Variants in KIF26B observed in about 807,000 individuals in gnomAD.
KIF26B encodes kinesin-like protein KIF26B.
KIF26B carries 63 observed loss-of-function variants against 151.2 expected under a neutral mutation model. That is an observed-to-expected ratio of 0.42 (90% CI 0.34 to 0.51). The LOEUF is 0.51. Among genes scored for constraint, KIF26B ranks in the 20% least tolerant of loss-of-function variants. The pLI, the probability that KIF26B is intolerant of heterozygous loss-of-function variation, is 0.07. For synonymous variants in KIF26B, 1,357 were observed against 1,262.1 expected (o/e 1.08, Z -1.59); for missense variants, 2,813 against 2,913.6 (o/e 0.97, Z 0.79).
At chr1:245,619,604 A>AG (rs2043636377) in intron 9 of KIF26B, among the ~76,000 whole-genome samples, 1 of 15,544 alleles carries the variant, frequency 6.4e-5, no homozygotes, top group Non-Finnish European at 1.6e-4. Flanking sequence ...AAACTGTTTC[A>AG]AAAAAAAAAA....
intron 2 of KIF26B, among the ~76,000 whole-genome samples, chr1:245,322,271 T>C (rs1478418646): frequency 6.6e-6 from 1 of 152,044 alleles, no homozygotes; most frequent in African/African-American, 2.4e-5. Context: ...ACCTAATGCA[T>C]GCGGGGCTTA....
At chr1:245,359,940 T>C (rs1672781701) in intron 2 of KIF26B, among the ~76,000 whole-genome samples, 1 of 151,398 alleles carries the variant, frequency 6.6e-6, no homozygotes, top group African/African-American at 2.4e-5. Context: ...TGGTGAGATC[T>C]GAGCTCACTG....
intron 3 of KIF26B, among the ~76,000 whole-genome samples, chr1:245,416,018 G>A (rs1451811509): frequency 6.6e-6 from 1 of 151,178 alleles, no homozygotes; most frequent in Non-Finnish European, 1.5e-5. Flanking sequence ...TGTAATCCCA[G>A]CACTTTGGGA....
chr1:245,687,499 T>C lies in KIF26B; in HGVS notation c.4516T>C (p.Phe1506Leu). Reference protein sequence around the residue: ...EVSASPVTDNFRRVVDGCEMA... With the variant: ...EVSASPVTDNLRRVVDGCEMA... ...GTCGGCCTCCCCGGTCACTGACAACTTCAGGAGGGTCGTGGATGGGTGTGA... is the reference window on the plus strand; with the variant it reads ...GTCGGCCTCCCCGGTCACTGACAACCTCAGGAGGGTCGTGGATGGGTGTGA... The change falls in exon 12 of 15, where the codon TTC becomes CTC. Residue 1506 changes from phenylalanine to leucine, a missense_variant. By Grantham distance (22) the Phe-to-Leu change is conservative (BLOSUM62 0). This residue lies in a region of KIF26B where 2,060 missense variants were observed against 2,088.6 expected (regional missense o/e 0.99). Transcript: ENST00000407071. The surrounding 1 kb of genome is among the most constrained non-coding windows in gnomAD (Gnocchi z 4.9). The C allele has an allele frequency of 6.3e-7, 1 of 1,580,024 alleles. No homozygotes were observed. The highest frequency in any genetic ancestry group is 8.6e-7 in the Non-Finnish European group (1 of 1,163,392).
chr1:245,579,419 G>C (rs57512613), intron 5 of KIF26B, among the ~76,000 whole-genome samples: 8,028 of 152,068 alleles, frequency 0.053, 483 homozygotes, highest in African/African-American at 0.14. Context: ...GACCACTGCA[G>C]CCCAGGAGTT....
At chr1:245,344,613 T>C (rs1672408902) in intron 2 of KIF26B, among the ~76,000 whole-genome samples, 1 of 151,796 alleles carries the variant, frequency 6.6e-6, no homozygotes, top group South Asian at 2.1e-4. Context: ...CTGGAGTCCT[T>C]CTCTGCTTCA....
At chr1:245,627,265 G>A (rs550947873) in intron 9 of KIF26B, among the ~76,000 whole-genome samples, 1 of 152,226 alleles carries the variant, frequency 6.6e-6, no homozygotes, top group Non-Finnish European at 1.5e-5. Context: ...TGGATATTTC[G>A]ACAGAGACTG....
intron 4 of KIF26B, among the ~76,000 whole-genome samples, chr1:245,523,601 C>A (rs1248112020): frequency 6.6e-6 from 1 of 152,178 alleles, no homozygotes; most frequent in Non-Finnish European, 1.5e-5. Context: ...ACAGATGGTG[C>A]CTTCTCGCTG....
At chr1:245,653,647 C>G (rs1481604446) in intron 10 of KIF26B, among the ~76,000 whole-genome samples, 1 of 152,216 alleles carries the variant, frequency 6.6e-6, no homozygotes, top group East Asian at 1.9e-4. Flanking sequence ...AGTTTATCAC[C>G]CCCCACCGAG....
chr1:245,402,141 T>A (rs1266239410), intron 3 of KIF26B, among the ~76,000 whole-genome samples: 1 of 152,166 alleles, frequency 6.6e-6, no homozygotes, highest in Non-Finnish European at 1.5e-5. Flanking sequence ...GTTCTCCACG[T>A]TGGTAGCTGT....
chr1:245,617,130 C>T (rs1194944101), intron 9 of KIF26B, among the ~76,000 whole-genome samples: 2 of 152,228 alleles, frequency 1.3e-5, no homozygotes, highest in Non-Finnish European at 2.9e-5. Context: ...GAGTCTCGCA[C>T]TGTCACCCAG....
At position 245,560,224 on chromosome 1, in the gene KIF26B, C is replaced by T. The variant is rs746257444; in HGVS notation, c.1350+19274C>T. Among the ~76,000 whole-genome samples the T allele has an allele frequency of 5.3e-5, 8 of 152,096 alleles. No homozygotes were observed. Among genetic ancestry groups the T allele is most frequent in the East Asian group, 3.9e-4 (2 of 5,186 alleles). On this transcript the variant is annotated intron_variant, in intron 5 of 14. Transcript: ENST00000407071. This position sits in a 1 kb window ranked among gnomAD's most constrained non-coding sequence, Gnocchi z 4.3. ...TCATGTGGATACATAGATGCTCATTCGCTTCAATTCATTGAACATCTGCTA... is the reference window on the plus strand; with the variant it reads ...TCATGTGGATACATAGATGCTCATTTGCTTCAATTCATTGAACATCTGCTA...
intron 2 of KIF26B, among the ~76,000 whole-genome samples, chr1:245,212,623 C>T (rs1311575189): frequency 1.3e-5 from 2 of 152,220 alleles, no homozygotes; most frequent in African/African-American, 2.4e-5. Flanking sequence ...AGCTAACTTC[C>T]GTTTGCCTGC....
intron 3 of KIF26B, among the ~76,000 whole-genome samples, chr1:245,372,587 C>G (rs757345778): frequency 1.5e-4 from 23 of 152,184 alleles, no homozygotes; most frequent in Non-Finnish European, 2.1e-4. Context: ...TTACAGCCTT[C>G]ATTTGACCAC....
intron 9 of KIF26B, among the ~76,000 whole-genome samples, chr1:245,640,143 C>CTCTCTCTCTCTATATATATATATATA: frequency 9.4e-5 from 3 of 31,934 alleles, no homozygotes; most frequent in African/African-American, 2.8e-4. Flanking sequence ...CTCTCTCTCT[C>CTCTCTCTCTCTATATATATATATATA]TATATATATA....
chr1:245,677,947 A>G (rs1231827004), intron 10 of KIF26B, among the ~76,000 whole-genome samples: 1 of 152,208 alleles, frequency 6.6e-6, no homozygotes, highest in Non-Finnish European at 1.5e-5. Flanking sequence ...AGCCTTTCCC[A>G]TGAGGGATAA....
rs2044053915 is a variant in KIF26B at position 245,654,600 on chromosome 1, T to C, written c.2258+8320T>C. Among the ~76,000 whole-genome samples the C allele has an allele frequency of 2.6e-5, 4 of 152,252 alleles. No homozygotes were observed. In the South Asian group the frequency reaches 6.2e-4, roughly 24 times the overall value. On this transcript the variant is annotated intron_variant, in intron 10 of 14. Coordinates refer to ENST00000407071, the MANE Select transcript of KIF26B (RefSeq NM_018012.4). The stretch of plus-strand genomic sequence containing the variant: ...GGAGCCACTTCCCACGCCGCACTGA[T>C]GGGAGAAACTGCAGGACTCCACCAG...
In KIF26B at chr1:245,540,834, G is replaced by A. The variant is rs369365294; in HGVS notation, c.1234G>A (p.Glu412Lys). 40 of 1,613,710 alleles carry A rather than the reference G, an allele frequency of 2.5e-5. No individual in the cohort carries two copies. The highest frequency in any genetic ancestry group is 1.6e-4 in the Middle Eastern group (1 of 6,084). ...KHRPSTSSAA[E>K]PPLFATSFSG... ...TCGGCCTTCCACTTCTTCCGCTGCC[G>A]AACCACCGCTCTTTGCAACCAGCTT... The change falls in exon 5 of 15, where the codon GAA becomes AAA. Residue 412 changes from glutamate (E) to lysine (K), a missense_variant. Coordinates refer to ENST00000407071, the MANE Select transcript of KIF26B (RefSeq NM_018012.4). The surrounding 1 kb of genome is among the most constrained non-coding windows in gnomAD (Gnocchi z 4.6).
intron 5 of KIF26B, among the ~76,000 whole-genome samples, chr1:245,561,882 C>T (rs148149678): frequency 4.9e-4 from 75 of 152,278 alleles, no homozygotes; most frequent in Middle Eastern, 3.4e-3. Context: ...TCACTACTGA[C>T]GTAAATGTCA....
Sources: allele counts gnomAD v4.1 joint callset (sites outside exome capture counted in the v4.1 genomes callset), GRCh38; gene constraint gnomAD v4.1.1; regional missense constraint gnomAD v4.1.1; non-coding constraint Gnocchi (gnomAD v3.1); transcripts MANE v1.5; gene names NCBI Gene and HGNC (gene_info 2026-07-23, HGNC 2026-07-21).